BCL11B: variants seen among roughly 807,000 people sequenced by gnomAD.
The protein encoded by BCL11B is B-cell lymphoma/leukemia 11B.
BCL11B carries 8 observed loss-of-function variants against 49.9 expected under a neutral mutation model. The ratio of observed to expected loss-of-function variants is 0.16; its 90% CI spans 0.09 to 0.29. BCL11B has a LOEUF of 0.29. Among genes scored for constraint, BCL11B ranks in the 10% least tolerant of loss-of-function variants. The probability of loss-of-function intolerance (pLI) is 1.00; values close to 1 mark genes in which losing one functional copy is unlikely to be tolerated. For synonymous variants in BCL11B, 739 were observed against 637.4 expected (o/e 1.16, Z -2.40); for missense variants, 1,006 against 1,351.0 (o/e 0.74, Z 4.00).
chr14:99,260,851 C>T (rs953342736), intron 1 of BCL11B, among the ~76,000 whole-genome samples: 2 of 151,972 alleles, frequency 1.3e-5, no homozygotes, highest in East Asian at 1.9e-4. Context: ...GCCCTGTTGG[C>T]GTCCCCGAGA....
chr14:99,227,194 G>A (rs896000465), intron 3 of BCL11B, among the ~76,000 whole-genome samples: 1 of 152,198 alleles, frequency 6.6e-6, no homozygotes, highest in Admixed American at 6.5e-5. Flanking sequence ...AATGGAAAGC[G>A]AAGATCCAGC....
chr14:99,198,471 A>G (rs573349686), intron 3 of BCL11B, among the ~76,000 whole-genome samples: 1 of 152,224 alleles, frequency 6.6e-6, no homozygotes, highest in East Asian at 1.9e-4. Context: ...ATTATTTTCA[A>G]TTGCTGGGTG....
rs1033549091 is a variant in BCL11B, at chr14:99,228,385, G to A, written c.640+2960C>T. 2.0e-5 allele frequency among the ~76,000 whole-genome samples: 3 copies of A among 152,184 alleles called. No homozygotes were observed. Among genetic ancestry groups the A allele is most frequent in the Admixed American group, 6.5e-5 (1 of 15,280 alleles). Reference sequence around the variant, plus strand: ...ATAGTTTCAGGTATTCAAATTGATCGGGAAACATGGTGGTGCAAGCTGGTG... The same window carrying A: ...ATAGTTTCAGGTATTCAAATTGATCAGGAAACATGGTGGTGCAAGCTGGTG... On this transcript the variant is annotated intron_variant, in intron 3 of 3. Coordinates refer to ENST00000357195, the MANE Select transcript of BCL11B (RefSeq NM_138576.4). This position sits in a 1 kb window ranked among gnomAD's most constrained non-coding sequence, Gnocchi z 4.8.
chr14:99,271,329 C>CCGCTGCCGCCGCT lies in BCL11B; in HGVS notation c.-112_-111insAGCGGCGGCAGCG. 1 of 748,070 alleles carries CCGCTGCCGCCGCT rather than the reference C, an allele frequency of 1.3e-6. No individual in the cohort carries two copies. The highest frequency in any genetic ancestry group is 1.8e-6 in the Non-Finnish European group (1 of 561,666). The allele number at this position is 748,070 out of a possible 1,614,324, so 46.3% of individuals were successfully genotyped here. ...CTGCCGCCGCTGCCGCCGCCGCCGCCGCCGCCGCACCTCCTCCTCTGCCCG... is the reference window on the plus strand; with the variant it reads ...CTGCCGCCGCTGCCGCCGCCGCCGCCCGCTGCCGCCGCTGCCGCCGCACCTCCTCCTCTGCCCG... On this transcript the variant is annotated 5_prime_UTR_variant, in exon 1 of 4. Coordinates refer to ENST00000357195, the MANE Select transcript of BCL11B (RefSeq NM_138576.4).
rs1481421754 is a variant in BCL11B, at chr14:99,253,443, C to A, written c.427+4028G>T. ...CAAGCTGCTCTAACGCCTGAAAATG[C>A]GGCGGAGGAGGGAAAGCCGAGCGCC... On this transcript the variant is annotated intron_variant, in intron 2 of 3. Transcript: ENST00000357195. Among the ~76,000 whole-genome samples the A allele has an allele frequency of 2.6e-5, 4 of 152,330 alleles. 1 individual carries two copies. The South Asian group carries it at 8.3e-4, about 32-fold the overall frequency.
intron 3 of BCL11B, among the ~76,000 whole-genome samples, chr14:99,230,989 T>G (rs1888313377): frequency 6.9e-6 from 1 of 143,904 alleles, no homozygotes; most frequent in South Asian, 2.2e-4. Context: ...GGGGATTGTC[T>G]GGGGTGGGGG....
rs1313017151 is a variant in BCL11B at position 99,192,326 on chromosome 14, G to A, written c.641-16131C>T. 1.3e-5 allele frequency among the ~76,000 whole-genome samples: 2 copies of A among 152,110 alleles called. No homozygotes were observed. Among genetic ancestry groups the A allele is most frequent in the African/African-American group, 4.8e-5 (2 of 41,410 alleles). On this transcript the variant is annotated intron_variant, in intron 3 of 3. Transcript: ENST00000357195. The surrounding 1 kb of genome is among the most constrained non-coding windows in gnomAD (Gnocchi z 4.0). ...CCACGCTTCCCTAATAACAGCCTGG[G>A]AACTGCAAAACCCCTGTAAGCCCAG...
intron 3 of BCL11B, among the ~76,000 whole-genome samples, chr14:99,225,537 A>G (rs1888135265): frequency 1.3e-5 from 2 of 152,328 alleles, no homozygotes; most frequent in South Asian, 4.1e-4. Context: ...CGCTGCATCC[A>G]GCACTGCATT....
intron 1 of BCL11B, chr14:99,264,393 G>A (rs779370676): frequency 1.3e-5 from 2 of 151,204 alleles, no homozygotes; most frequent in Non-Finnish European, 2.9e-5. Flanking sequence ...TCTGCGTGTT[G>A]TTTTAGTAGA....
chr14:99,243,918 T>TAAAAAAAAAA (rs200999902), intron 2 of BCL11B, among the ~76,000 whole-genome samples: 1 of 128,110 alleles, frequency 7.8e-6, no homozygotes, highest in African/African-American at 2.7e-5. Flanking sequence ...ACATTGCTCC[T>TAAAAAAAAAA]AAAAAAAAAA....
In BCL11B at chr14:99,257,536, G is replaced by T; in HGVS notation, c.362C>A (p.Pro121His). The T allele has an allele frequency of 1.2e-6, 2 of 1,613,930 alleles. No homozygotes were observed. Among genetic ancestry groups the T allele is most frequent in the Non-Finnish European group, 8.5e-7 (1 of 1,179,890 alleles). Reference protein sequence around the residue: ...EPVEIGIQVTPDEDDHLLSPT... With the variant: ...EPVEIGIQVTHDEDDHLLSPT... Reference sequence around the variant, plus strand: ...TGAGAGCAGGTGGTCATCTTCGTCGGGGGTGACTTGGATCCCGATCTCCAC... The same window carrying T: ...TGAGAGCAGGTGGTCATCTTCGTCGTGGGTGACTTGGATCCCGATCTCCAC... Residue 121 changes from proline (P) to histidine (H), a missense_variant, in exon 2 of 4, where the codon CCC becomes CAC. Pro to His is a moderately conservative substitution (Grantham distance 77). This residue lies in a region of BCL11B where 411 missense variants were observed against 542.2 expected (regional missense o/e 0.76). Transcript: ENST00000357195. The surrounding 1 kb of genome is among the most constrained non-coding windows in gnomAD (Gnocchi z 6.2).
chr14:99,256,241 G>A (rs1889160535), intron 2 of BCL11B, among the ~76,000 whole-genome samples: 2 of 152,142 alleles, frequency 1.3e-5, no homozygotes, highest in South Asian at 2.1e-4. Context: ...GCATGGTAAC[G>A]ATCAATGCAC....
rs185791468 is a variant in BCL11B at position 99,234,486 on chromosome 14, G to A, written c.428-2929C>T. ...GGGTATGCACCCACACACGCACAGA[G>A]GAAGCCACCAGAGCTCCCAGGCCGC... is the stretch of plus-strand genomic sequence containing the variant. On this transcript the variant is annotated intron_variant, in intron 2 of 3. Coordinates refer to ENST00000357195, the MANE Select transcript of BCL11B (RefSeq NM_138576.4). Among the ~76,000 whole-genome samples the A allele has an allele frequency of 4.9e-4, 75 of 152,278 alleles. 1 individual carries two copies. Among genetic ancestry groups the A allele is most frequent in the East Asian group, 3.9e-3 (20 of 5,172 alleles).
Position 99,239,752 on chromosome 14 carries a change from T to G in BCL11B, c.428-8195A>C, listed in dbSNP as rs192488337. 9.9e-5 allele frequency among the ~76,000 whole-genome samples: 15 copies of G among 152,246 alleles called. No homozygotes were observed. The East Asian group carries it at 2.3e-3, about 23-fold the overall frequency. ...AATCTGGCCCTCCCTAAAACATGTT[T>G]ACAAACTGGGGAGTTCAGGAAGTTG... On this transcript the variant is annotated intron_variant, in intron 2 of 3. Coordinates refer to ENST00000357195, the MANE Select transcript of BCL11B (RefSeq NM_138576.4).
rs992166195 is a variant in BCL11B at position 99,272,075 on chromosome 14, G to A, written c.-857C>T. Among the ~76,000 whole-genome samples the A allele has an allele frequency of 1.3e-5, 2 of 151,938 alleles. No homozygotes were observed. Among genetic ancestry groups the A allele is most frequent in the African/African-American group, 4.8e-5 (2 of 41,392 alleles). ...CTGGCGCCGCGGGCCCGGGGGGAGC[G>A]GGGCGGAGGGGCGGCTCGCCCAGTG... On this transcript the variant is annotated 5_prime_UTR_variant, in exon 1 of 4. Transcript: ENST00000357195. This position sits in a 1 kb window ranked among gnomAD's most constrained non-coding sequence, Gnocchi z 6.0.
chr14:99,194,835 C>T lies in BCL11B; in HGVS notation c.641-18640G>A, dbSNP rs1447706102. On this transcript the variant is annotated intron_variant, in intron 3 of 3. Transcript: ENST00000357195. The surrounding 1 kb of genome is among the most constrained non-coding windows in gnomAD (Gnocchi z 4.6). ...TGCAGACAGGCCTGAACCACGGGCA[C>T]CCGACCAGTAGGACCTTGGTCAGTC... 6.6e-6 allele frequency among the ~76,000 whole-genome samples: 1 copy of T among 152,198 alleles called. No homozygotes were observed. The highest frequency in any genetic ancestry group is 1.9e-4 in the East Asian group (1 of 5,192).
chr14:99,233,530 G>A (rs1412700385), intron 2 of BCL11B, among the ~76,000 whole-genome samples: 1 of 152,206 alleles, frequency 6.6e-6, no homozygotes, highest in Non-Finnish European at 1.5e-5. Flanking sequence ...CCTGGGTTCT[G>A]GGTGAGGCCA....
intron 2 of BCL11B, among the ~76,000 whole-genome samples, chr14:99,255,338 A>G (rs1301660303): frequency 3.3e-5 from 5 of 151,442 alleles, no homozygotes; most frequent in Non-Finnish European, 7.4e-5. Context: ...CTGAACAGAA[A>G]GGCCAAGAAT....
Position 99,231,618 on chromosome 14 carries a change from G to A in BCL11B, c.428-61C>T, listed in dbSNP as rs1595268391. The A allele has an allele frequency of 6.7e-7, 1 of 1,499,644 alleles. No homozygotes were observed. Among genetic ancestry groups the A allele is most frequent in the East Asian group, 2.5e-5 (1 of 40,620 alleles). The allele number at this position is 1,499,644 out of a possible 1,614,324, so 92.9% of individuals were successfully genotyped here. ...GGCCCTGGACTGTGTGAGGGGCACGGGGTGGGACGGGGCTCGGGGCGTGGG... is the reference window on the plus strand; with the variant it reads ...GGCCCTGGACTGTGTGAGGGGCACGAGGTGGGACGGGGCTCGGGGCGTGGG... On this transcript the variant is annotated intron_variant, in intron 2 of 3. Coordinates refer to ENST00000357195, the MANE Select transcript of BCL11B (RefSeq NM_138576.4). This position sits in a 1 kb window ranked among gnomAD's most constrained non-coding sequence, Gnocchi z 8.1.
Sources: gnomAD v4.1 joint callset for allele counts (sites outside exome capture counted in the v4.1 genomes callset) on GRCh38, gnomAD v4.1.1 for gene constraint, gnomAD v4.1.1 regional missense constraint, Gnocchi (gnomAD v3.1) non-coding constraint, MANE v1.5 for transcripts, NCBI Gene and HGNC (gene_info 2026-07-23, HGNC 2026-07-21) for gene names.